Variants in MLXIP observed in about 807,000 individuals in gnomAD.
MLXIP encodes the protein MLX-interacting protein.
A neutral mutation model predicts 87.2 loss-of-function variants in MLXIP; 30 were observed. The ratio of observed to expected loss-of-function variants is 0.34; its 90% CI spans 0.26 to 0.47. MLXIP has a LOEUF of 0.47. MLXIP is among the 20% of genes least tolerant of loss of function. The pLI is 1.00. For synonymous variants in MLXIP, 530 were observed against 514.0 expected, an observed-to-expected ratio of 1.03 and a Z score of -0.42; for missense variants, 1,002 against 1,240.1, an observed-to-expected ratio of 0.81 and a Z score of 2.88.
chr12:122,107,348 C>G (rs1426625697), intron 1 of MLXIP, among the ~76,000 whole-genome samples: 3 of 152,172 alleles, frequency 2.0e-5, no homozygotes, highest in Non-Finnish European at 1.5e-5. Flanking sequence ...CCTAATCTCA[C>G]AGCTCTGGTG....
intron 1 of MLXIP, among the ~76,000 whole-genome samples, chr12:122,108,059 G>A (rs1342727890): frequency 6.6e-6 from 1 of 152,122 alleles, no homozygotes; most frequent in Non-Finnish European, 1.5e-5. Flanking sequence ...TGGAGAAGAT[G>A]AATTTTTATG....
chr12:122,113,887 G>T, intron 1 of MLXIP, among the ~76,000 whole-genome samples: 1 of 150,964 alleles, frequency 6.6e-6, no homozygotes, highest in East Asian at 2.0e-4. Flanking sequence ...GAGTTTCACT[G>T]TGTTAGCCAG....
In MLXIP at chr12:122,137,727, TCTC is replaced by T; in HGVS notation, c.2154+140_2154+142del. 7.2e-7 allele frequency: 1 copy of T among 1,384,308 alleles called. No homozygotes were observed. Among genetic ancestry groups the T allele is most frequent in the Non-Finnish European group, 9.9e-7 (1 of 1,011,808 alleles). The allele number at this position is 1,384,308 out of a possible 1,614,324, so 85.8% of individuals were successfully genotyped here. Reference sequence around the variant, plus strand: ...GGCAGGGGTGGATCAGAAATGGGCTTCTCCTTGCCCCATGCCACGAACCAGCCC... The same window carrying T: ...GGCAGGGGTGGATCAGAAATGGGCTTCTTGCCCCATGCCACGAACCAGCCC... On this transcript the variant is annotated intron_variant, in intron 12 of 16. Coordinates refer to ENST00000319080, the MANE Select transcript of MLXIP (RefSeq NM_014938.6). This position sits in a 1 kb window ranked among gnomAD's most constrained non-coding sequence, Gnocchi z 4.1.
At chr12:122,086,591 G>C (rs1593058182) in intron 1 of MLXIP, among the ~76,000 whole-genome samples, 1 of 152,172 alleles carries the variant, frequency 6.6e-6, no homozygotes, top group South Asian at 2.1e-4. Context: ...AGTCCAGATA[G>C]CCAGTGTCTT....
intron 1 of MLXIP, among the ~76,000 whole-genome samples, chr12:122,113,844 C>G (rs1335089229): frequency 1.3e-5 from 2 of 151,948 alleles, no homozygotes; most frequent in Non-Finnish European, 2.9e-5. Flanking sequence ...GCCAGCATGC[C>G]TGGCTAACTT....
chr12:122,125,461 T>C (rs958443217), intron 1 of MLXIP, among the ~76,000 whole-genome samples: 1 of 152,244 alleles, frequency 6.6e-6, no homozygotes, highest in African/African-American at 2.4e-5. Context: ...TGTGTGTGTA[T>C]TTTACTGTAC....
chr12:122,108,750 G>A (rs540122949), intron 1 of MLXIP, among the ~76,000 whole-genome samples: 4 of 152,166 alleles, frequency 2.6e-5, no homozygotes, highest in African/African-American at 9.6e-5. Context: ...CAGGGACTTC[G>A]GTTTTGAGAA....
chr12:122,110,765 T>G (rs1403814672), intron 1 of MLXIP, among the ~76,000 whole-genome samples: 2 of 149,524 alleles, frequency 1.3e-5, no homozygotes, highest in African/African-American at 4.9e-5. Context: ...AGCTAGATCC[T>G]GCTCTTCAAA....
rs1233404015 is a variant in MLXIP, at chr12:122,121,010, G to GTTTTTTTTTTTTTTTTTTTTTTTT, written c.414-6228_414-6227insTTTTTTTTTTTTTTTTTTTTTTTT. Among the ~76,000 whole-genome samples the GTTTTTTTTTTTTTTTTTTTTTTTT allele has an allele frequency of 1.6e-3, 180 of 111,850 alleles. 15 individuals carry two copies. The highest frequency in any genetic ancestry group is 0.011 in the East Asian group (34 of 3,128). The allele number at this position is 111,850 out of a possible 152,430, so 73.4% of individuals were successfully genotyped here. A position where few individuals can be genotyped will look rare whatever the true frequency, so the allele number is the denominator to read the frequency against. Reference sequence around the variant, plus strand: ...AGCCCCAGAGCCCTCTGCATGCTTGGTTTTTTTTTTTTTTTTTTGAAACGG... The same window carrying GTTTTTTTTTTTTTTTTTTTTTTTT: ...AGCCCCAGAGCCCTCTGCATGCTTGGTTTTTTTTTTTTTTTTTTTTTTTTTTTTTTTTTTTTTTTTTTGAAACGG... On this transcript the variant is annotated intron_variant, in intron 1 of 16. Coordinates refer to ENST00000319080, the MANE Select transcript of MLXIP (RefSeq NM_014938.6).
Position 122,146,661 on chromosome 12 carries a change from G to T in MLXIP, c.*4849G>T, listed in dbSNP as rs2017594. On this transcript the variant is annotated 3_prime_UTR_variant, in exon 17 of 17. Coordinates refer to ENST00000319080, the MANE Select transcript of MLXIP (RefSeq NM_014938.6). ...GTGTGCACGCGCGCGTGTGCGTGTTGACTTCATGGAATTTTGTTTTGTGAA... is the reference window on the plus strand; with the variant it reads ...GTGTGCACGCGCGCGTGTGCGTGTTTACTTCATGGAATTTTGTTTTGTGAA... 114,657 of 151,994 alleles carry T rather than the reference G, an allele frequency of 0.75. 43,590 individuals carry two copies. Among genetic ancestry groups the T allele is most frequent in the Middle Eastern group, 0.88 (259 of 294 alleles). The allele number at this position is 151,994 out of a possible 1,614,324, so 9.4% of individuals were successfully genotyped here.
chr12:122,106,647 G>A (rs1335222378), intron 1 of MLXIP, among the ~76,000 whole-genome samples: 3 of 138,270 alleles, frequency 2.2e-5, no homozygotes, highest in Non-Finnish European at 4.6e-5. Flanking sequence ...TGTCATCCAG[G>A]CTGGAGTGCA....
intron 1 of MLXIP, among the ~76,000 whole-genome samples, chr12:122,121,307 C>A (rs997977638): frequency 8.5e-6 from 1 of 118,226 alleles, no homozygotes; most frequent in East Asian, 2.5e-4. Flanking sequence ...TGTGCCCAGC[C>A]TTTTTTTTTT....
chr12:122,136,479 AAAAG>A (rs1252932385), intron 11 of MLXIP: 6 of 144,564 alleles, frequency 4.2e-5, no homozygotes, highest in Non-Finnish European at 7.7e-5. Flanking sequence ...AAAAAAAAAA[AAAAG>A]CAGGGCTTAG....
In MLXIP at chr12:122,142,372, G is replaced by C. The variant is rs1190443966; in HGVS notation, c.*560G>C. 3 of 545,588 alleles carry C rather than the reference G, an allele frequency of 5.5e-6. No individual in the cohort carries two copies. Among genetic ancestry groups the C allele is most frequent in the Non-Finnish European group, 1.1e-5 (3 of 285,250 alleles). 33.8% of individuals were successfully genotyped at this position (545,588 alleles called of 1,614,324 possible). A position where few individuals can be genotyped will look rare whatever the true frequency, so the allele number is the denominator to read the frequency against. On this transcript the variant is annotated 3_prime_UTR_variant, in exon 17 of 17. Transcript: ENST00000319080. The stretch of plus-strand genomic sequence containing the variant: ...TGGGCTTCTATTCAGGCTTATGCAT[G>C]GCAGGCTGCCAGGGGGAAGTGCCTT...
In MLXIP at chr12:122,133,922, A is replaced by G; in HGVS notation, c.1667A>G (p.Lys556Arg). The change falls in exon 9 of 17, where the codon AAA (lysine) becomes AGA (arginine). Residue 556 changes from lysine to arginine, a missense_variant. By Grantham distance (26) the Lys-to-Arg change is conservative. Around this residue, in one of 3 missense-constraint regions of MLXIP, gnomAD observed 746 missense variants for 897.0 expected, o/e 0.83. Coordinates refer to ENST00000319080, the MANE Select transcript of MLXIP (RefSeq NM_014938.6). The surrounding 1 kb of genome is among the most constrained non-coding windows in gnomAD (Gnocchi z 4.9). Reference sequence around the variant, plus strand: ...GGGGGCAGGCCTAAGCAGCCCCACAAAATAGTGCCTGCTCCCAAACCAGAG... The same window carrying G: ...GGGGGCAGGCCTAAGCAGCCCCACAGAATAGTGCCTGCTCCCAAACCAGAG... ...LTGGRPKQPH[K>R]IVPAPKPEPV... 1 of 1,609,082 alleles carries G rather than the reference A, an allele frequency of 6.2e-7. No individual in the cohort carries two copies. The highest frequency in any genetic ancestry group is 8.5e-7 in the Non-Finnish European group (1 of 1,178,066).
chr12:122,142,055 C>A lies in MLXIP; in HGVS notation c.*243C>A. 1.5e-6 allele frequency: 1 copy of A among 670,502 alleles called. No individual in the cohort carries two copies. The highest frequency in any genetic ancestry group is 1.7e-5 in the South Asian group (1 of 59,110). The allele number at this position is 670,502 out of a possible 1,614,324, so 41.5% of individuals were successfully genotyped here. ...TCTCTCACTCAGTGACCTCAGTCAC[C>A]AACCTCCTCTGCCCTCGGGGCAGCC... On this transcript the variant is annotated 3_prime_UTR_variant, in exon 17 of 17. Transcript: ENST00000319080.
Position 122,143,627 on chromosome 12 carries a change from G to C in MLXIP, c.*1815G>C, listed in dbSNP as rs1030183019. 1 of 152,348 alleles carries C rather than the reference G, an allele frequency of 6.6e-6. No individual in the cohort carries two copies. Among genetic ancestry groups the C allele is most frequent in the Non-Finnish European group, 1.5e-5 (1 of 68,144 alleles). 9.4% of individuals were successfully genotyped at this position (152,348 alleles called of 1,614,324 possible). A position where few individuals can be genotyped will look rare whatever the true frequency, so the allele number is the denominator to read the frequency against. ...AAGGAAGAACCCACCGTGTCTGGCT[G>C]TGCGGGCCCTGGGGAGGGTCGTGAG... is the stretch of plus-strand genomic sequence containing the variant. On this transcript the variant is annotated 3_prime_UTR_variant, in exon 17 of 17. Transcript: ENST00000319080.
At chr12:122,127,804 G>A (rs1952904504) in intron 2 of MLXIP, 79 bp from the exon 3 acceptor site, 9 of 1,143,102 alleles carry the variant, frequency 7.9e-6, no homozygotes, top group Middle Eastern at 1.9e-4. Flanking sequence ...TCTGCCCTAG[G>A]GGAGGGGTGC....
At position 122,134,113 on chromosome 12, in the gene MLXIP, ATACACT is replaced by A. The variant is rs1454653311; in HGVS notation, c.1732+129_1732+134del. ...GGTGTGCACGTGCATGCGCACACACATACACTTAAATGAAACAAAAGTGTCATGAAA... is the reference window on the plus strand; with the variant it reads ...GGTGTGCACGTGCATGCGCACACACATAAATGAAACAAAAGTGTCATGAAA... On this transcript the variant is annotated intron_variant, in intron 9 of 16. Coordinates refer to ENST00000319080, the MANE Select transcript of MLXIP (RefSeq NM_014938.6). 9.0e-6 allele frequency: 10 copies of A among 1,110,694 alleles called. No homozygotes were observed. In the South Asian group the frequency reaches 1.5e-4, roughly 17 times the overall value. 68.8% of individuals were successfully genotyped at this position (1,110,694 alleles called of 1,614,324 possible).
Sources: allele counts gnomAD v4.1 joint callset (sites outside exome capture counted in the v4.1 genomes callset), GRCh38; gene constraint gnomAD v4.1.1; regional missense constraint gnomAD v4.1.1; non-coding constraint Gnocchi (gnomAD v3.1); transcripts MANE v1.5; gene names NCBI Gene and HGNC (gene_info 2026-07-23, HGNC 2026-07-21).